The following EIF4A3 variants were observed in gnomAD, a reference collection of about 807,000 sequenced individuals.
The protein encoded by EIF4A3 is eukaryotic translation initiation factor 4A3, also known as eukaryotic initiation factor 4A-III.
Under a neutral mutation model 55.6 loss-of-function variants are expected in EIF4A3, and 1 was observed. The ratio of observed to expected loss-of-function variants is 0.02; its 90% CI spans 0.01 to 0.09. The LOEUF (loss-of-function observed/expected upper bound fraction) is 0.09. Among genes scored for constraint, EIF4A3 ranks in the 10% least tolerant of loss-of-function variants. The pLI is 1.00. For missense variants in EIF4A3, 221 were observed against 540.7 expected, an observed-to-expected ratio of 0.41 and a Z score of 5.86; for synonymous variants, 194 against 196.3, an observed-to-expected ratio of 0.99 and a Z score of 0.10.
chr17:80,137,866 T>A (rs1431073157), intron 8 of EIF4A3, among the ~76,000 whole-genome samples: 1 of 152,104 alleles, frequency 6.6e-6, no homozygotes, highest in African/African-American at 2.4e-5. Context: ...CACCTGGGGA[T>A]CTAAAACTAC....
At chr17:80,136,501 C>G in intron 9 of EIF4A3, 166 bp from the exon 10 acceptor site, 1 of 613,912 alleles carries the variant, frequency 1.6e-6, no homozygotes, top group Non-Finnish European at 2.9e-6. Context: ...GGGACAGCAC[C>G]AGAAACCCCT....
intron 2 of EIF4A3, among the ~76,000 whole-genome samples, chr17:80,142,184 T>TA (rs1298311193): frequency 1.3e-5 from 2 of 152,192 alleles, no homozygotes; most frequent in Non-Finnish European, 2.9e-5. Flanking sequence ...AACTCTCTCT[T>TA]CCAAAGAAAT....
intron 2 of EIF4A3, among the ~76,000 whole-genome samples, chr17:80,143,415 G>A (rs1003562014): frequency 6.6e-6 from 1 of 152,188 alleles, no homozygotes; most frequent in Non-Finnish European, 1.5e-5. Context: ...CTAGAGATCC[G>A]AACTTATAAC....
At chr17:80,137,921 G>A (rs1348822106) in intron 8 of EIF4A3, among the ~76,000 whole-genome samples, 2 of 152,144 alleles carry the variant, frequency 1.3e-5, no homozygotes, top group Non-Finnish European at 2.9e-5. Flanking sequence ...TGAATCTTTA[G>A]GGGTGGCTGA....
intron 9 of EIF4A3, chr17:80,136,896 G>A (rs1008896799): frequency 4.5e-5 from 7 of 155,122 alleles, no homozygotes; most frequent in African/African-American, 1.7e-4. Context: ...AGAGGTTGCA[G>A]TGAGCCAAGA....
rs371179642 is a variant in EIF4A3 at position 80,146,915 on chromosome 17, C to G, written c.47G>C (p.Arg16Pro). 3.7e-6 allele frequency: 6 copies of G among 1,609,578 alleles called. No individual in the cohort carries two copies. The African/African-American group carries it at 8.1e-5, about 22-fold the overall frequency. ...AGTCATGTCTTCCTCTTTGAGCAGC[C>G]GCTTTCGCGCCGAGCCCGAGGTCGC... ...TMATSGSARK[R>P]LLKEEDMTKV... The change falls in exon 1 of 12, where the codon CGG becomes CCG. Residue 16 changes from arginine to proline, a missense_variant. Arg to Pro is a moderately radical substitution (Grantham distance 103). Transcript: ENST00000649764.
At chr17:80,144,758 G>A (rs529331582) in intron 1 of EIF4A3, among the ~76,000 whole-genome samples, 1 of 152,162 alleles carries the variant, frequency 6.6e-6, no homozygotes, top group Non-Finnish European at 1.5e-5. Context: ...GTTGCTGACA[G>A]GTCTACAACT....
rs928130855 is a variant in EIF4A3, at chr17:80,134,908, T to C, written c.*582A>G. On this transcript the variant is annotated 3_prime_UTR_variant, in exon 12 of 12. Coordinates refer to ENST00000649764, the MANE Select transcript of EIF4A3 (RefSeq NM_014740.4). ...GGCTCACGCCTGTAATCCCAGCACT[T>C]TGGGAGGCCGAGGTGGGTGGATCAC... Among the ~76,000 whole-genome samples, 2 of 151,978 alleles carry C rather than the reference T, an allele frequency of 1.3e-5. No homozygotes were observed. The highest frequency in any genetic ancestry group is 2.9e-5 in the Non-Finnish European group (2 of 67,994).
At chr17:80,144,809 T>C (rs1598606908) in intron 1 of EIF4A3, among the ~76,000 whole-genome samples, 1 of 152,074 alleles carries the variant, frequency 6.6e-6, no homozygotes, top group Non-Finnish European at 1.5e-5. Context: ...GTGTCCTATG[T>C]TGTTCTGTCT....
chr17:80,137,724 A>C, intron 8 of EIF4A3: 17 of 502,740 alleles, frequency 3.4e-5, no homozygotes, highest in East Asian at 3.7e-5. Context: ...TAATGACTCT[A>C]TGGGGGGAGG....
At chr17:80,144,691 A>C (rs531734110) in intron 1 of EIF4A3, among the ~76,000 whole-genome samples, 53 of 152,284 alleles carry the variant, frequency 3.5e-4, no homozygotes, top group African/African-American at 1.3e-3. Context: ...ACAACAAAAA[A>C]ACAGGAAAGT....
At chr17:80,146,274 G>A (rs1186740018) in intron 1 of EIF4A3, among the ~76,000 whole-genome samples, 1 of 151,898 alleles carries the variant, frequency 6.6e-6, no homozygotes, top group East Asian at 1.9e-4. Context: ...CCAGAACTCT[G>A]CTCAAATGGC....
At chr17:80,145,062 A>G (rs368530620) in intron 1 of EIF4A3, among the ~76,000 whole-genome samples, 2 of 152,342 alleles carry the variant, frequency 1.3e-5, no homozygotes, top group East Asian at 3.9e-4. Context: ...TCTTAACACA[A>G]ATGCAAATAT....
At position 80,146,977 on chromosome 17, in the gene EIF4A3, G is replaced by A. The variant is rs1487129613; in HGVS notation, c.-16C>T. 5 of 1,590,806 alleles carry A rather than the reference G, an allele frequency of 3.1e-6. No homozygotes were observed. Among genetic ancestry groups the A allele is most frequent in the Non-Finnish European group, 4.3e-6 (5 of 1,172,844 alleles). ...TGGTCGCCATGATTCAGAGTCCGCG[G>A]AAGAGCACAGCGCGCGCCGCTGCCG... On this transcript the variant is annotated 5_prime_UTR_variant, in exon 1 of 12. Coordinates refer to ENST00000649764, the MANE Select transcript of EIF4A3 (RefSeq NM_014740.4).
Position 80,139,739 on chromosome 17 carries a change from G to A in EIF4A3, c.517C>T (p.Arg173Cys). The A allele has an allele frequency of 6.2e-7, 1 of 1,613,022 alleles. No homozygotes were observed. The highest frequency in any genetic ancestry group is 8.5e-7 in the Non-Finnish European group (1 of 1,179,688). The change falls in exon 6 of 12, where the codon CGC (arginine) becomes TGC (cysteine). Residue 173 changes from arginine (R) to cysteine (C), a missense_variant. Physicochemically the swap from Arg to Cys is radical, Grantham distance 180. Coordinates refer to ENST00000649764, the MANE Select transcript of EIF4A3 (RefSeq NM_014740.4). ...ATAGCACGTGTCCTTAGGCTTCTGC[G>A]ACGAATCATATCTATAACATGAGAT... Reference protein sequence around the residue: ...TPGRVFDMIRRRSLRTRAIKM... With the variant: ...TPGRVFDMIRCRSLRTRAIKM...
Position 80,144,253 on chromosome 17 carries a change from A to G in EIF4A3, c.170-9T>C. 1.9e-6 allele frequency: 3 copies of G among 1,613,914 alleles called. No individual in the cohort carries two copies. Among genetic ancestry groups the G allele is most frequent in the Non-Finnish European group, 2.5e-6 (3 of 1,179,954 alleles). ...TGATGGTTTTTCAAAACCTGCAAAT[A>G]AAAACAAAAAATTAGCCCTCACCAC... is the stretch of plus-strand genomic sequence containing the variant. On this transcript the variant is annotated splice_polypyrimidine_tract_variant and intron_variant, in intron 1 of 11. Transcript: ENST00000649764.
In EIF4A3 at chr17:80,146,905, T is replaced by G; in HGVS notation, c.57A>C (p.Lys19Asn). The G allele has an allele frequency of 6.2e-7, 1 of 1,610,320 alleles. No individual in the cohort carries two copies. Among genetic ancestry groups the G allele is most frequent in the Non-Finnish European group, 8.5e-7 (1 of 1,178,734 alleles). The change falls in exon 1 of 12, where the codon AAA becomes AAC. Residue 19 changes from lysine to asparagine, a missense_variant. By Grantham distance (94) the Lys-to-Asn change is moderately conservative (BLOSUM62 0). Transcript: ENST00000649764. ...ATTCCACTTTAGTCATGTCTTCCTC[T>G]TTGAGCAGCCGCTTTCGCGCCGAGC... is the stretch of plus-strand genomic sequence containing the variant. ...TSGSARKRLL[K>N]EEDMTKVEFE...
At chr17:80,140,202 AG>A in intron 4 of EIF4A3, 62 bp from the exon 5 acceptor site, 1 of 1,449,192 alleles carries the variant, frequency 6.9e-7, no homozygotes, top group Non-Finnish European at 9.2e-7. Flanking sequence ...TTTTCCAAAA[AG>A]AAAGACTGTT....
intron 5 of EIF4A3, 115 bp from the exon 6 acceptor site, chr17:80,139,865 G>A: frequency 6.7e-7 from 1 of 1,500,264 alleles, no homozygotes; most frequent in Non-Finnish European, 9.0e-7. Flanking sequence ...CAGGGTTCCA[G>A]AGACCTTCCC....
Sources: gnomAD v4.1 joint callset for allele counts (sites outside exome capture counted in the v4.1 genomes callset) on GRCh38, gnomAD v4.1.1 for gene constraint, MANE v1.5 for transcripts, NCBI Gene and HGNC (gene_info 2026-07-23, HGNC 2026-07-21) for gene names.